DIAPH2: variants seen among roughly 807,000 people sequenced by gnomAD.
DIAPH2 encodes the protein protein diaphanous homolog 2.
In DIAPH2, 35 loss-of-function variants were observed where a neutral mutation model predicts 92.7. That is an observed-to-expected ratio of 0.38 (90% CI 0.29 to 0.50). DIAPH2 has a LOEUF of 0.50. Ranked by LOEUF, DIAPH2 falls within the 20% of genes least tolerant of loss-of-function variation. DIAPH2 has a pLI of 0.94. For synonymous variants in DIAPH2, 301 were observed against 280.4 expected, an observed-to-expected ratio of 1.07 and a Z score of -0.73; for missense variants, 701 against 819.5, an observed-to-expected ratio of 0.86 and a Z score of 1.77.
At chrX:97,528,563 A>G (rs2071038728) in intron 26 of DIAPH2, 1 of 111,151 alleles carries the variant, frequency 9.0e-6, no homozygotes, top group Admixed American at 9.6e-5. Flanking sequence ...TTTTGTTTTT[A>G]AACAACCAGC....
chrX:97,345,307 G>C (rs2037983782), intron 23 of DIAPH2, among the ~76,000 whole-genome samples: 1 of 111,252 alleles, frequency 9.0e-6, no homozygotes, highest in Admixed American at 9.6e-5. Context: ...TGTTGTTAAT[G>C]TGAATGCTAA....
At chrX:97,401,677 C>A (rs1318268622) in intron 25 of DIAPH2, among the ~76,000 whole-genome samples, 1 of 111,628 alleles carries the variant, frequency 9.0e-6, no homozygotes, top group Non-Finnish European at 1.9e-5. Context: ...GAATAAGAAA[C>A]TGGGTGGGGG....
At chrX:97,527,492 T>G (rs2071032217) in intron 26 of DIAPH2, among the ~76,000 whole-genome samples, 1 of 112,135 alleles carries the variant, frequency 8.9e-6, no homozygotes, top group Non-Finnish European at 1.9e-5. Flanking sequence ...GTTTGAATCC[T>G]GATTACCCAA....
At chrX:96,839,075 G>A (rs936094392) in intron 4 of DIAPH2, among the ~76,000 whole-genome samples, 7 of 111,337 alleles carry the variant, frequency 6.3e-5, no homozygotes, top group African/African-American at 2.3e-4. Context: ...CATATATAGT[G>A]TCAGATTTTA....
At chrX:96,862,812 G>GT (rs2065079873) in intron 4 of DIAPH2, among the ~76,000 whole-genome samples, 2 of 111,754 alleles carry the variant, frequency 1.8e-5, no homozygotes, top group Non-Finnish European at 3.8e-5. Flanking sequence ...TACTGTGGTT[G>GT]TTTTTGCCTT....
chrX:97,276,321 A>C (rs2068451612), intron 23 of DIAPH2, among the ~76,000 whole-genome samples: 1 of 111,624 alleles, frequency 9.0e-6, no homozygotes, highest in Non-Finnish European at 1.9e-5. Flanking sequence ...AAGTTTTTAA[A>C]ATAACTTTTT....
chrX:97,274,023 G>A (rs2068414443), intron 23 of DIAPH2, among the ~76,000 whole-genome samples: 1 of 106,386 alleles, frequency 9.4e-6, no homozygotes, highest in African/African-American at 3.4e-5. Context: ...GTGTGTGTGT[G>A]TGTGTGTGTG....
chrX:97,080,275 C>T (rs1406530677), intron 19 of DIAPH2, among the ~76,000 whole-genome samples: 3 of 107,707 alleles, frequency 2.8e-5, no homozygotes, highest in Non-Finnish European at 5.8e-5. Flanking sequence ...CCTCTCCTCC[C>T]TCCCTTCTTT....
chrX:96,908,968 G>A (rs1456271481), intron 5 of DIAPH2, among the ~76,000 whole-genome samples: 1 of 111,837 alleles, frequency 8.9e-6, no homozygotes, highest in African/African-American at 3.2e-5. Context: ...GGCATGTAAA[G>A]CAGCCTTGAG....
chrX:97,412,888 G>A (rs1211714181), intron 25 of DIAPH2, among the ~76,000 whole-genome samples: 1 of 111,875 alleles, frequency 8.9e-6, no homozygotes, highest in Non-Finnish European at 1.9e-5. Context: ...CCAATAACAG[G>A]CTCTGAAATT....
chrX:97,281,627 C>T (rs2068497424), intron 23 of DIAPH2, among the ~76,000 whole-genome samples: 1 of 109,457 alleles, frequency 9.1e-6, no homozygotes, highest in South Asian at 4.0e-4. Flanking sequence ...GCCTGTAGTC[C>T]CAGCTACTCG....
intron 3 of DIAPH2, among the ~76,000 whole-genome samples, chrX:96,741,063 G>A (rs886845412): frequency 2.8e-5 from 3 of 109,042 alleles, no homozygotes; most frequent in Non-Finnish European, 5.7e-5. Context: ...TCATGTATCT[G>A]TCTTGCTACC....
chrX:97,038,616 C>T (rs150550850), intron 17 of DIAPH2, among the ~76,000 whole-genome samples: 1,146 of 106,737 alleles, frequency 0.011, 8 homozygotes, highest in Non-Finnish European at 0.017. Flanking sequence ...CTCACTGCAA[C>T]GTCTGTGTTT....
At chrX:97,532,960 G>GT (rs1347034405) in intron 26 of DIAPH2, among the ~76,000 whole-genome samples, 2 of 110,448 alleles carry the variant, frequency 1.8e-5, no homozygotes, top group African/African-American at 6.6e-5. Context: ...AGTGGATAAG[G>GT]TATCTGAATT....
At chrX:97,398,694 T>A (rs1331215588) in intron 25 of DIAPH2, among the ~76,000 whole-genome samples, 1 of 110,374 alleles carries the variant, frequency 9.1e-6, no homozygotes, top group African/African-American at 3.3e-5. Context: ...GGAAAAGAGA[T>A]CATGTGCCCT....
intron 7 of DIAPH2, among the ~76,000 whole-genome samples, 184 bp downstream of exon 7, chrX:96,912,736 C>A (rs540279531): frequency 9.1e-6 from 1 of 110,301 alleles, no homozygotes; most frequent in East Asian, 2.8e-4. Flanking sequence ...ATAATAAACC[C>A]GGCATGCATT....
At chrX:96,920,398 A>C (rs2147785929) in intron 9 of DIAPH2, among the ~76,000 whole-genome samples, 1 of 111,897 alleles carries the variant, frequency 8.9e-6, no homozygotes, top group South Asian at 3.8e-4. Flanking sequence ...TTGAGTAGGA[A>C]TGAACTCTTT....
chrX:97,125,278 G>T (rs1046786527), intron 21 of DIAPH2, among the ~76,000 whole-genome samples: 2 of 109,127 alleles, frequency 1.8e-5, no homozygotes, highest in Admixed American at 9.8e-5. Context: ...TTCAAGACCA[G>T]CCTGGCCAAG....
intron 22 of DIAPH2, among the ~76,000 whole-genome samples, chrX:97,155,805 C>T (rs970472212): frequency 1.8e-5 from 2 of 111,439 alleles, no homozygotes; most frequent in East Asian, 5.6e-4. Flanking sequence ...CTCAAAATAC[C>T]TACTTGTAAC....
Sources: gnomAD v4.1 joint callset for allele counts (sites outside exome capture counted in the v4.1 genomes callset) on GRCh38, gnomAD v4.1.1 for gene constraint, MANE v1.5 for transcripts, NCBI Gene and HGNC (gene_info 2026-07-23, HGNC 2026-07-21) for gene names.